The following CALN1 variants were observed in gnomAD, a reference collection of about 807,000 sequenced individuals.
CALN1 encodes the protein calcium-binding protein 8.
A neutral mutation model predicts 30.6 loss-of-function variants in CALN1; 17 were observed. That is an observed-to-expected ratio of 0.56 (90% confidence interval 0.38 to 0.83). The LOEUF is 0.83. Among genes scored for constraint, CALN1 ranks in the 40% least tolerant of loss-of-function variants. CALN1 has a pLI of 0.00. For missense variants in CALN1, 291 were observed against 354.9 expected (o/e 0.82, Z 1.45); for synonymous variants, 156 against 131.4 (o/e 1.19, Z -1.28).
At chr7:72,481,131 C>G in the CALN1 span, among the ~76,000 whole-genome samples, 1 of 152,218 alleles carries the variant, frequency 6.6e-6, no homozygotes, top group South Asian at 2.1e-4. Context: ...TTTTGTTTTT[C>G]TGGTAGAGAC....
At chr7:72,237,500 A>C (rs980033601) in intron 3 of CALN1, among the ~76,000 whole-genome samples, 2 of 152,238 alleles carry the variant, frequency 1.3e-5, no homozygotes, top group Non-Finnish European at 1.5e-5. Context: ...AGAGAGCAGC[A>C]GACCAGGAGA....
At chr7:72,264,108 T>C (rs1158108424) in intron 3 of CALN1, among the ~76,000 whole-genome samples, 2 of 152,230 alleles carry the variant, frequency 1.3e-5, no homozygotes, top group Non-Finnish European at 2.9e-5. Flanking sequence ...TTGGTTTATA[T>C]GACCTTCTGA....
At chr7:71,952,293 C>T (rs1426118672) in intron 5 of CALN1, among the ~76,000 whole-genome samples, 1 of 152,202 alleles carries the variant, frequency 6.6e-6, no homozygotes, top group Non-Finnish European at 1.5e-5. Context: ...CCTGACGCCT[C>T]AACAGCGGCT....
chr7:72,402,910 G>A (rs900641370), intron 2 of CALN1, among the ~76,000 whole-genome samples: 2 of 152,154 alleles, frequency 1.3e-5, no homozygotes, highest in Non-Finnish European at 2.9e-5. Context: ...TTTGAGAATT[G>A]ATTGAAATTG....
intron 5 of CALN1, among the ~76,000 whole-genome samples, chr7:71,813,580 C>T (rs1175519573): frequency 6.6e-6 from 1 of 152,162 alleles, no homozygotes; most frequent in African/African-American, 2.4e-5. Context: ...GAGAGCTATA[C>T]TGGCCAAGAG....
At chr7:72,158,528 T>C (rs1008697208) in intron 3 of CALN1, among the ~76,000 whole-genome samples, 4 of 152,172 alleles carry the variant, frequency 2.6e-5, no homozygotes, top group Non-Finnish European at 4.4e-5. Context: ...TTCACAGCCT[T>C]GTTTAGCTAC....
At position 71,983,362 on chromosome 7, in the gene CALN1, AG is replaced by A. The variant is rs1798498384; in HGVS notation, c.501+40294del. On this transcript the variant is annotated intron_variant, in intron 5 of 6. Transcript: ENST00000395275. ...GAGGGTTAATCTACTCAACAGGTAAAGAATGCAACCTAACCAATGATATAGA... is the reference window on the plus strand; with the variant it reads ...GAGGGTTAATCTACTCAACAGGTAAAAATGCAACCTAACCAATGATATAGA... 2.6e-5 allele frequency among the ~76,000 whole-genome samples: 4 copies of A among 152,338 alleles called. No individual in the cohort carries two copies. The South Asian group carries it at 8.3e-4, about 32-fold the overall frequency.
chr7:72,421,919 G>A (rs1807626487), intron 1 of CALN1, among the ~76,000 whole-genome samples: 1 of 152,046 alleles, frequency 6.6e-6, no homozygotes, highest in South Asian at 2.1e-4. Flanking sequence ...TTAGGATAAT[G>A]GCCTCCAGTT....
At chr7:72,379,492 T>C (rs988471199) in intron 2 of CALN1, among the ~76,000 whole-genome samples, 5 of 152,220 alleles carry the variant, frequency 3.3e-5, no homozygotes, top group African/African-American at 9.6e-5. Context: ...TCACTCAACC[T>C]CTACAAGCAG....
At chr7:72,191,869 G>T (rs1162763007) in intron 3 of CALN1, among the ~76,000 whole-genome samples, 1 of 152,144 alleles carries the variant, frequency 6.6e-6, no homozygotes, top group Non-Finnish European at 1.5e-5. Flanking sequence ...AGAGCCGCAC[G>T]CTCCCCGCTA....
At chr7:72,012,968 T>C (rs968528782) in intron 5 of CALN1, among the ~76,000 whole-genome samples, 14 of 152,232 alleles carry the variant, frequency 9.2e-5, no homozygotes, top group Admixed American at 5.9e-4. Context: ...GCTGATTTTT[T>C]TGTATTTTTA....
the CALN1 span, among the ~76,000 whole-genome samples, chr7:72,456,054 C>T: frequency 5.6e-4 from 85 of 151,968 alleles, no homozygotes; most frequent in Non-Finnish European, 1.0e-3. Context: ...CCTGGTGGCA[C>T]GCACATGTAG....
intron 3 of CALN1, among the ~76,000 whole-genome samples, chr7:72,201,442 T>A (rs567264043): frequency 6.6e-6 from 1 of 151,938 alleles, no homozygotes; most frequent in Non-Finnish European, 1.5e-5. Context: ...TATGCAAAAC[T>A]TAGCCAGGCA....
the CALN1 span, among the ~76,000 whole-genome samples, chr7:72,455,861 T>G: frequency 2.6e-5 from 4 of 152,070 alleles, no homozygotes; most frequent in Admixed American, 1.3e-4. Flanking sequence ...GGCTGTGAAC[T>G]TGACAGTGAG....
chr7:72,351,198 G>A (rs1485559675), intron 2 of CALN1, among the ~76,000 whole-genome samples: 4 of 151,980 alleles, frequency 2.6e-5, no homozygotes, highest in Non-Finnish European at 4.4e-5. Flanking sequence ...GAGTTTTTCA[G>A]ATAAACAGTA....
At chr7:72,035,941 T>G (rs958296228) in intron 4 of CALN1, among the ~76,000 whole-genome samples, 1 of 152,238 alleles carries the variant, frequency 6.6e-6, no homozygotes, top group Non-Finnish European at 1.5e-5. Flanking sequence ...TTGTGATCTT[T>G]ATTGCTTCAT....
chr7:72,097,176 G>A (rs952228309), intron 4 of CALN1, among the ~76,000 whole-genome samples: 1 of 152,068 alleles, frequency 6.6e-6, no homozygotes, highest in East Asian at 1.9e-4. Context: ...GGGGGAGAGG[G>A]GAGGGATAGC....
rs113919163 is a variant in CALN1, at chr7:71,937,868, C to T, written c.501+85789G>A. On this transcript the variant is annotated intron_variant, in intron 5 of 6. Coordinates refer to ENST00000395275, the MANE Select transcript of CALN1 (RefSeq NM_031468.4). ...AAAAAAAGCAATCTATGTTCCATCA[C>T]GCAGCACCCAAGTGAAATGCAGCCT... is the stretch of plus-strand genomic sequence containing the variant. 2.3e-3 allele frequency among the ~76,000 whole-genome samples: 350 copies of T among 152,332 alleles called. 1 individual carries two copies. Among genetic ancestry groups the T allele is most frequent in the African/African-American group, 8.2e-3 (341 of 41,584 alleles).
Position 72,179,802 on chromosome 7 carries a change from G to A in CALN1, c.245-73508C>T, listed in dbSNP as rs972173399. Among the ~76,000 whole-genome samples the A allele has an allele frequency of 6.6e-5, 10 of 151,978 alleles. No homozygotes were observed. In the East Asian group the frequency reaches 1.9e-3, roughly 29 times the overall value. On this transcript the variant is annotated intron_variant, in intron 3 of 6. Transcript: ENST00000395275. ...TCATGTCATTTCACCCCTACGCACT[G>A]CAATGCACATCTATTAAAAAAATTA...
Sources: allele counts gnomAD v4.1 joint callset (sites outside exome capture counted in the v4.1 genomes callset), GRCh38; gene constraint gnomAD v4.1.1; transcripts MANE v1.5; gene names NCBI Gene and HGNC (gene_info 2026-07-23, HGNC 2026-07-21).